Variants in LRCH2 observed in about 807,000 individuals in gnomAD.
The protein encoded by LRCH2 is leucine-rich repeat and calponin homology domain-containing protein 2.
Under a neutral mutation model 68.9 loss-of-function variants are expected in LRCH2, and 38 were observed. That is an observed-to-expected ratio of 0.55 (90% CI 0.43 to 0.72). The LOEUF (loss-of-function observed/expected upper bound fraction) is 0.72, where lower values mean the gene tolerates loss of function less well. Among genes scored for constraint, LRCH2 ranks in the 30% least tolerant of loss-of-function variants. The pLI, the probability that LRCH2 is intolerant of heterozygous loss-of-function variation, is 0.00. For missense variants in LRCH2, 528 were observed against 572.9 expected, an observed-to-expected ratio of 0.92 and a Z score of 0.80; for synonymous variants, 191 against 208.1, an observed-to-expected ratio of 0.92 and a Z score of 0.71.
chrX:115,179,394 G>T, intron 5 of LRCH2, 33 bp downstream of exon 5: 2 of 1,023,779 alleles, frequency 2.0e-6, no homozygotes, highest in African/African-American at 3.9e-5. Context: ...GAATAAAAAT[G>T]AGAAGAAACA....
rs782342112 is a variant in LRCH2, at chrX:115,165,277, TTAAC to T, written c.1355+124_1355+127del. 2.2e-4 allele frequency: 101 copies of T among 451,931 alleles called. 3 individuals carry two copies. The South Asian group carries it at 4.2e-3, about 19-fold the overall frequency. 37.2% of individuals were successfully genotyped at this position (451,931 alleles called of 1,213,427 possible). On this transcript the variant is annotated intron_variant, in intron 10 of 20. Coordinates refer to ENST00000317135, the MANE Select transcript of LRCH2 (RefSeq NM_020871.4). ...CAGACAGATGTGAAGTATTTATAAATTAACTATCTAAACATAAGAGGTAAGTGAA... is the reference window on the plus strand; with the variant it reads ...CAGACAGATGTGAAGTATTTATAAATTATCTAAACATAAGAGGTAAGTGAA...
chrX:115,129,647 A>C (rs2072226152), intron 15 of LRCH2, among the ~76,000 whole-genome samples: 1 of 111,605 alleles, frequency 9.0e-6, no homozygotes, highest in Non-Finnish European at 1.9e-5. Context: ...TCCAACAAAA[A>C]TACACAAAAC....
In LRCH2 at chrX:115,189,596, C is replaced by T. The variant is rs782112464; in HGVS notation, c.350-1226G>A. 2.6e-6 allele frequency: 3 copies of T among 1,169,157 alleles called. No individual in the cohort carries two copies. Among genetic ancestry groups the T allele is most frequent in the Admixed American group, 5.1e-5 (2 of 38,918 alleles). On this transcript the variant is annotated intron_variant, in intron 1 of 20. Transcript: ENST00000317135. Reference sequence around the variant, plus strand: ...AAAACCAACAAGTCGAGGGGCTTCGCGTTCGTCACCTTCGAAAGCCCTGCA... The same window carrying T: ...AAAACCAACAAGTCGAGGGGCTTCGTGTTCGTCACCTTCGAAAGCCCTGCA...
intron 1 of LRCH2, among the ~76,000 whole-genome samples, chrX:115,215,234 AATAT>A (rs1556571126): frequency 1.8e-5 from 2 of 111,657 alleles, no homozygotes; most frequent in Admixed American, 1.9e-4. Context: ...TCAAAGTGTT[AATAT>A]AAAGAAAGAA....
At position 115,188,414 on chromosome X, in the gene LRCH2, G is replaced by T. The variant is rs868929516; in HGVS notation, c.350-44C>A. 32 of 931,976 alleles carry T rather than the reference G, an allele frequency of 3.4e-5. 1 individual carries two copies. The Middle Eastern group carries it at 7.4e-3, about 216-fold the overall frequency. The allele number at this position is 931,976 out of a possible 1,213,427, so 76.8% of individuals were successfully genotyped here. ...GTATTAAACATATACCTATATCTATGGTAATTAAAAGAACTATTTTCACAC... is the reference window on the plus strand; with the variant it reads ...GTATTAAACATATACCTATATCTATTGTAATTAAAAGAACTATTTTCACAC... On this transcript the variant is annotated intron_variant, in intron 1 of 20. Coordinates refer to ENST00000317135, the MANE Select transcript of LRCH2 (RefSeq NM_020871.4).
At chrX:115,202,962 G>C (rs2072940401) in intron 1 of LRCH2, among the ~76,000 whole-genome samples, 1 of 111,751 alleles carries the variant, frequency 8.9e-6, no homozygotes, top group Admixed American at 9.5e-5. Flanking sequence ...GAGGAAAAGA[G>C]GGAATAAGGG....
chrX:115,119,378 G>C (rs1556525077), intron 20 of LRCH2, among the ~76,000 whole-genome samples: 3 of 92,400 alleles, frequency 3.2e-5, no homozygotes, highest in South Asian at 1.2e-3. Flanking sequence ...ACCAACAACA[G>C]ACAAACAGAG....
chrX:115,198,764 C>CCTGTT (rs1556564946), intron 1 of LRCH2: 1 of 117,958 alleles, frequency 8.5e-6, no homozygotes, highest in Non-Finnish European at 1.9e-5. Flanking sequence ...CCTGTCCTGT[C>CCTGTT]CTCTCCCTGA....
At chrX:115,183,690 T>C (rs2072711152) in intron 3 of LRCH2, among the ~76,000 whole-genome samples, 1 of 109,510 alleles carries the variant, frequency 9.1e-6, no homozygotes, top group African/African-American at 3.3e-5. Flanking sequence ...CGAGACTCTA[T>C]CACAAAAAAA....
At chrX:115,162,596 T>C (rs2072528324) in intron 11 of LRCH2, among the ~76,000 whole-genome samples, 1 of 112,133 alleles carries the variant, frequency 8.9e-6, no homozygotes. Flanking sequence ...TGTATATCTA[T>C]AAATGTAGCA....
chrX:115,148,958 CCAGAGAAAAA>C (rs2072410637), intron 14 of LRCH2, among the ~76,000 whole-genome samples: 1 of 111,406 alleles, frequency 9.0e-6, no homozygotes, highest in Non-Finnish European at 1.9e-5. Flanking sequence ...CCTATTTCTA[CCAGAGAAAAA>C]CAGAGAATAT....
rs1346763837 is a variant in LRCH2 at position 115,113,163 on chromosome X, T to C, written c.*53A>G. 22 of 1,034,158 alleles carry C rather than the reference T, an allele frequency of 2.1e-5. No homozygotes were observed. Among genetic ancestry groups the C allele is most frequent in the Non-Finnish European group, 2.8e-5 (22 of 777,191 alleles). The allele number at this position is 1,034,158 out of a possible 1,213,427, so 85.2% of individuals were successfully genotyped here. ...TTCTTATTCATGAATTTGAAATATT[T>C]GAAATCACTTCAAATAAATGAAACT... On this transcript the variant is annotated 3_prime_UTR_variant, in exon 21 of 21. Coordinates refer to ENST00000317135, the MANE Select transcript of LRCH2 (RefSeq NM_020871.4).
chrX:115,120,942 A>G (rs1303854821), intron 20 of LRCH2, among the ~76,000 whole-genome samples: 5 of 100,105 alleles, frequency 5.0e-5, no homozygotes, highest in Non-Finnish European at 8.0e-5. Context: ...AACACCGCAT[A>G]TTCTCACTCA....
At chrX:115,190,609 G>T in intron 1 of LRCH2, 1 of 1,158,655 alleles carries the variant, frequency 8.6e-7, no homozygotes, top group Non-Finnish European at 1.2e-6. Flanking sequence ...AGGCTGCTAC[G>T]AGGAGTACAG....
rs1325146705 is a variant in LRCH2, at chrX:115,111,756, A to T, written c.*1460T>A. On this transcript the variant is annotated 3_prime_UTR_variant, in exon 21 of 21. Transcript: ENST00000317135. ...TATGGCTTCATGCCAACTGATCAAA[A>T]AAAGTACAGTTGTTCCTATACCATT... The T allele has an allele frequency of 2.7e-5, 3 of 109,848 alleles. No individual in the cohort carries two copies. The highest frequency in any genetic ancestry group is 5.7e-5 in the Non-Finnish European group (3 of 52,502). The allele number at this position is 109,848 out of a possible 1,213,427, so 9.1% of individuals were successfully genotyped here.
intron 14 of LRCH2, among the ~76,000 whole-genome samples, chrX:115,131,227 G>T (rs2072241505): frequency 9.4e-6 from 1 of 106,133 alleles, no homozygotes; most frequent in Non-Finnish European, 1.9e-5. Flanking sequence ...ATTTACATTA[G>T]GTATATCTCC....
In LRCH2 at chrX:115,122,848, G is replaced by A. The variant is rs1556526459; in HGVS notation, c.2012C>T (p.Ala671Val). ...GCAAAGAACAACCCCATCCATCAGTGCAGCTCCAATGTCATCAGGCAAAAT... is the reference window on the plus strand; with the variant it reads ...GCAAAGAACAACCCCATCCATCAGTACAGCTCCAATGTCATCAGGCAAAAT... ...KVILPDDIGA[A>V]LMDGVVLCHL... is the part of the protein sequence containing the mutation. The change falls in exon 19 of 21, where the codon GCA becomes GTA. Residue 671 changes from alanine to valine, a missense_variant. Transcript: ENST00000317135. The A allele has an allele frequency of 8.3e-6, 10 of 1,209,798 alleles. No homozygotes were observed. Among genetic ancestry groups the A allele is most frequent in the South Asian group, 1.8e-5 (1 of 56,748 alleles).
intron 1 of LRCH2, chrX:115,198,530 G>T: frequency 1.5e-5 from 2 of 129,259 alleles, no homozygotes; most frequent in South Asian, 5.2e-4. Context: ...TTGGGCGCCC[G>T]ACCAAACACA....
chrX:115,132,615 T>C (rs1036910136), intron 14 of LRCH2, among the ~76,000 whole-genome samples: 20 of 111,926 alleles, frequency 1.8e-4, no homozygotes, highest in African/African-American at 6.2e-4. Flanking sequence ...GTATTCTTCC[T>C]CCACTGTCTC....
Sources: allele counts gnomAD v4.1 joint callset (sites outside exome capture counted in the v4.1 genomes callset), GRCh38; gene constraint gnomAD v4.1.1; transcripts MANE v1.5; gene names NCBI Gene and HGNC (gene_info 2026-07-23, HGNC 2026-07-21).